Variants in KIAA1217 observed in about 807,000 individuals in gnomAD.
KIAA1217 encodes sickle tail protein homolog.
Under a neutral mutation model 163.9 loss-of-function variants are expected in KIAA1217, and 88 were observed. That is an observed-to-expected ratio of 0.54 (90% CI 0.45 to 0.64). The LOEUF (loss-of-function observed/expected upper bound fraction) is 0.64, where lower values mean the gene tolerates loss of function less well. Among genes scored for constraint, KIAA1217 ranks in the 30% least tolerant of loss-of-function variants. The pLI is 0.00. For missense variants in KIAA1217, 2,372 were observed against 2,475.0 expected, an observed-to-expected ratio of 0.96 and a Z score of 0.88; for synonymous variants, 903 against 923.1, an observed-to-expected ratio of 0.98 and a Z score of 0.39.
chr10:24,311,951 T>A (rs1012607431), intron 2 of KIAA1217, among the ~76,000 whole-genome samples: 1 of 152,160 alleles, frequency 6.6e-6, no homozygotes, highest in East Asian at 1.9e-4. Flanking sequence ...TGTGGCCCAT[T>A]GATGAGATGC....
At chr10:24,243,490 C>T (rs927516189) in intron 2 of KIAA1217, among the ~76,000 whole-genome samples, 1 of 148,024 alleles carries the variant, frequency 6.8e-6, no homozygotes, top group Non-Finnish European at 1.5e-5. Flanking sequence ...AATTGTTTAA[C>T]TCCCGCTTAA....
chr10:24,077,618 T>C (rs2061409544), intron 2 of KIAA1217, among the ~76,000 whole-genome samples: 1 of 152,240 alleles, frequency 6.6e-6, no homozygotes, highest in South Asian at 2.1e-4. Flanking sequence ...TCTTTGCTAT[T>C]ATGAATAGTG....
chr10:24,027,415 G>A (rs560559556), intron 2 of KIAA1217, among the ~76,000 whole-genome samples: 1 of 152,072 alleles, frequency 6.6e-6, no homozygotes, highest in Non-Finnish European at 1.5e-5. Flanking sequence ...TTAAACAAGA[G>A]GGGTAGTTCT....
intron 2 of KIAA1217, among the ~76,000 whole-genome samples, chr10:24,258,377 T>C (rs1469506989): frequency 2.6e-5 from 4 of 152,114 alleles, no homozygotes; most frequent in African/African-American, 9.7e-5. Flanking sequence ...CTCACTGGTT[T>C]TGAAAATCTG....
chr10:24,523,556 G>C (rs894525516), intron 12 of KIAA1217, among the ~76,000 whole-genome samples: 34 of 152,182 alleles, frequency 2.2e-4, no homozygotes, highest in African/African-American at 7.2e-4. Flanking sequence ...CAAGTACCAT[G>C]TTTGACATTG....
intron 2 of KIAA1217, among the ~76,000 whole-genome samples, chr10:24,247,124 CTTTTTTT>C (rs10648557): frequency 7.2e-6 from 1 of 138,312 alleles, no homozygotes; most frequent in Admixed American, 7.3e-5. Context: ...ATTTTCTTTT[CTTTTTTT>C]TTTTTTTCAA....
rs1156677581 is a variant in KIAA1217 at position 24,254,572 on chromosome 10, G to T, written c.354+34663G>T. On this transcript the variant is annotated intron_variant, in intron 2 of 20. Transcript: ENST00000376454. ...CAGCCCTGCCTTTCTTTATTCTGTT[G>T]TTCTAGAAGCTCCAACCTGGTATGC... Among the ~76,000 whole-genome samples, 3 of 152,160 alleles carry T rather than the reference G, an allele frequency of 2.0e-5. No individual in the cohort carries two copies. The East Asian group carries it at 5.8e-4, about 29-fold the overall frequency.
At chr10:24,520,651 A>AAAAAAAAAAAAATAT (rs1554926857) in intron 11 of KIAA1217, among the ~76,000 whole-genome samples, 1 of 39,678 alleles carries the variant, frequency 2.5e-5, no homozygotes, top group Non-Finnish European at 4.9e-5. Context: ...AAAAAAAAAA[A>AAAAAAAAAAAAATAT]ATATATATAT....
intron 2 of KIAA1217, among the ~76,000 whole-genome samples, chr10:24,239,951 G>A (rs2072858789): frequency 6.6e-6 from 1 of 152,106 alleles, no homozygotes; most frequent in Non-Finnish European, 1.5e-5. Context: ...TGAGCTTTTA[G>A]GGAAGCAGGA....
chr10:24,151,819 G>A (rs1241901966), intron 2 of KIAA1217, among the ~76,000 whole-genome samples: 1 of 151,994 alleles, frequency 6.6e-6, no homozygotes, highest in African/African-American at 2.4e-5. Context: ...CATTTTACAG[G>A]TTAGAGAACT....
chr10:23,791,015 A>G (rs1403399411), intron 1 of KIAA1217, among the ~76,000 whole-genome samples: 1 of 152,138 alleles, frequency 6.6e-6, no homozygotes, highest in East Asian at 1.9e-4. Context: ...GATTACAGGC[A>G]TGAATAACCA....
intron 14 of KIAA1217, among the ~76,000 whole-genome samples, chr10:24,528,796 G>C (rs1158409495): frequency 6.6e-6 from 1 of 152,048 alleles, no homozygotes; most frequent in Non-Finnish European, 1.5e-5. Flanking sequence ...TTTAAGACAA[G>C]AGCTTTTGCA....
At chr10:24,061,964 A>G (rs1175086700) in intron 2 of KIAA1217, among the ~76,000 whole-genome samples, 2 of 152,122 alleles carry the variant, frequency 1.3e-5, no homozygotes, top group Non-Finnish European at 2.9e-5. Flanking sequence ...TCATTTGAAT[A>G]AGCTTTCCGA....
chr10:23,861,842 T>C lies in KIAA1217; in HGVS notation c.-320-145383T>C, dbSNP rs144516410. Among the ~76,000 whole-genome samples the C allele has an allele frequency of 5.2e-3, 787 of 152,286 alleles. 4 individuals carry two copies. Among genetic ancestry groups the C allele is most frequent in the African/African-American group, 0.018 (765 of 41,550 alleles). The stretch of plus-strand genomic sequence containing the variant: ...CAGAGCCTCCAGGCCAGCTGACACA[T>C]GGATTTCCTCCTTGTGAGCCTCAGA... On this transcript the variant is annotated intron_variant, in intron 1 of 18. Transcript: ENST00000376462.
At chr10:24,212,539 G>T (rs1268821709) in intron 1 of KIAA1217, among the ~76,000 whole-genome samples, 1 of 152,124 alleles carries the variant, frequency 6.6e-6, no homozygotes, top group Non-Finnish European at 1.5e-5. Flanking sequence ...GGAAGGAAGG[G>T]CTGGAAAAAA....
At chr10:23,896,936 G>A (rs539046088) in intron 1 of KIAA1217, among the ~76,000 whole-genome samples, 1 of 152,116 alleles carries the variant, frequency 6.6e-6, no homozygotes, top group South Asian at 2.1e-4. Context: ...TAAGGATTTT[G>A]CTTCTTTGAG....
At chr10:24,391,717 A>C (rs952524981) in intron 3 of KIAA1217, among the ~76,000 whole-genome samples, 15 of 152,102 alleles carry the variant, frequency 9.9e-5, no homozygotes, top group African/African-American at 3.1e-4. Flanking sequence ...TCACCTTTTT[A>C]TAAAGTTAAC....
chr10:23,964,964 A>G (rs972823994), intron 1 of KIAA1217, among the ~76,000 whole-genome samples: 17 of 152,346 alleles, frequency 1.1e-4, no homozygotes, highest in Admixed American at 2.0e-4. Context: ...GAAGCTGGTT[A>G]TAGTGGGATG....
intron 2 of KIAA1217, among the ~76,000 whole-genome samples, chr10:24,148,451 G>A (rs1156232968): frequency 3.3e-5 from 5 of 152,182 alleles, no homozygotes; most frequent in African/African-American, 1.2e-4. Context: ...AGGGTTGGAG[G>A]TGGGGCCTGG....
Sources: allele counts gnomAD v4.1 joint callset (sites outside exome capture counted in the v4.1 genomes callset), GRCh38; gene constraint gnomAD v4.1.1; transcripts MANE v1.5; gene names NCBI Gene and HGNC (gene_info 2026-07-23, HGNC 2026-07-21).